Variants in PCDHGA8 observed in about 807,000 individuals in gnomAD.
PCDHGA8 encodes protocadherin gamma subfamily A, 8, also known as protocadherin gamma-A8.
In PCDHGA8, 45 loss-of-function variants were observed where a neutral mutation model predicts 59.2. The ratio of observed to expected loss-of-function variants is 0.76; its 90% CI spans 0.60 to 0.98. PCDHGA8 has a LOEUF of 0.98. PCDHGA8 is among the 50% of genes least tolerant of loss of function. PCDHGA8 has a pLI of 0.00. For synonymous variants in PCDHGA8, 531 were observed against 519.0 expected (o/e 1.02, Z -0.32); for missense variants, 1,257 against 1,196.2 (o/e 1.05, Z -0.75).
At position 141,408,408 on chromosome 5, in the gene PCDHGA8, G is replaced by A. The variant is rs376957467; in HGVS notation, c.2424+13171G>A. On this transcript the variant is annotated intron_variant, in intron 1 of 3. Coordinates refer to ENST00000398604, the MANE Select transcript of PCDHGA8 (RefSeq NM_032088.2). The stretch of plus-strand genomic sequence containing the variant: ...GTGTCGGCTCGCAAGCTGCGAGTGA[G>A]CGCGGAGAAGCTGCACTTCAGCGTA... 5 of 1,614,080 alleles carry A rather than the reference G, an allele frequency of 3.1e-6. No homozygotes were observed. The Admixed American group carries it at 5.0e-5, about 16-fold the overall frequency.
In PCDHGA8 at chr5:141,485,417, G is replaced by A. The variant is rs1340790133; in HGVS notation, c.2425-9390G>A. The A allele has an allele frequency of 1.2e-6, 2 of 1,614,166 alleles. No homozygotes were observed. Among genetic ancestry groups the A allele is most frequent in the Non-Finnish European group, 8.5e-7 (1 of 1,180,038 alleles). ...ACACTTCCGTGTGGATTTGGACAGCGGAGCCCTGCTCATCAAGAACCCAAT... is the reference window on the plus strand; with the variant it reads ...ACACTTCCGTGTGGATTTGGACAGCAGAGCCCTGCTCATCAAGAACCCAAT... On this transcript the variant is annotated intron_variant, in intron 1 of 3. Coordinates refer to ENST00000398604, the MANE Select transcript of PCDHGA8 (RefSeq NM_032088.2). The surrounding 1 kb of genome is among the most constrained non-coding windows in gnomAD (Gnocchi z 5.7).
chr5:141,394,616 C>A lies in PCDHGA8; in HGVS notation c.1803C>A (p.Asn601Lys). ...VVAVDRDSGQNAWLSYRLLKA... is the reference protein window; with the variant it reads ...VVAVDRDSGQKAWLSYRLLKA... Reference sequence around the variant, plus strand: ...CGGTGGACAGAGACTCGGGCCAGAACGCCTGGCTGTCCTACCGCCTGCTCA... The same window carrying A: ...CGGTGGACAGAGACTCGGGCCAGAAAGCCTGGCTGTCCTACCGCCTGCTCA... The change falls in exon 1 of 4, where the codon AAC (asparagine) becomes AAA (lysine). Residue 601 changes from asparagine to lysine, a missense_variant. By Grantham distance (94) the Asn-to-Lys change is moderately conservative (BLOSUM62 0). Transcript: ENST00000398604. The A allele has an allele frequency of 6.2e-7, 1 of 1,613,490 alleles. No individual in the cohort carries two copies. Among genetic ancestry groups the A allele is most frequent in the African/African-American group, 1.3e-5 (1 of 75,030 alleles).
chr5:141,421,051 A>G (rs1330155141), intron 1 of PCDHGA8: 8 of 559,830 alleles, frequency 1.4e-5, no homozygotes, highest in South Asian at 2.6e-5. Flanking sequence ...CCCCGCCTCT[A>G]CCACACAAAG....
chr5:141,485,431 C>G lies in PCDHGA8; in HGVS notation c.2425-9376C>G, dbSNP rs1594481071. ...ATTTGGACAGCGGAGCCCTGCTCAT[C>G]AAGAACCCAATCGACCGAGAGGCAC... On this transcript the variant is annotated intron_variant, in intron 1 of 3. Coordinates refer to ENST00000398604, the MANE Select transcript of PCDHGA8 (RefSeq NM_032088.2). The surrounding 1 kb of genome is among the most constrained non-coding windows in gnomAD (Gnocchi z 5.7). 8.7e-6 allele frequency: 14 copies of G among 1,614,198 alleles called. No homozygotes were observed. Among genetic ancestry groups the G allele is most frequent in the Non-Finnish European group, 1.1e-5 (13 of 1,180,038 alleles).
chr5:141,415,755 T>G (rs753465209), intron 1 of PCDHGA8: 41 of 1,387,576 alleles, frequency 3.0e-5, no homozygotes, highest in Middle Eastern at 2.6e-4. Flanking sequence ...TTTTTTTTTT[T>G]TTTTTTTTTT....
rs150249178 is a variant in PCDHGA8 at position 141,432,742 on chromosome 5, C to A, written c.2424+37505C>A. 154 of 1,614,076 alleles carry A rather than the reference C, an allele frequency of 9.5e-5. No individual in the cohort carries two copies. In the Middle Eastern group the frequency reaches 1.3e-3, roughly 14 times the overall value. On this transcript the variant is annotated intron_variant, in intron 1 of 3. Transcript: ENST00000398604. This position sits in a 1 kb window ranked among gnomAD's most constrained non-coding sequence, Gnocchi z 6.0. ...CTCTCTCCGCCACTGTCACGCTCAC[C>A]GTGGCCGTGGCCGACAGCATCCCCC... is the stretch of plus-strand genomic sequence containing the variant.
chr5:141,400,007 C>G (rs907315450), intron 1 of PCDHGA8: 2 of 1,612,506 alleles, frequency 1.2e-6, no homozygotes, highest in African/African-American at 1.3e-5. Flanking sequence ...ACAGCGCGTG[C>G]CTTGGGCGAC....
chr5:141,411,184 G>A (rs1478666914), intron 1 of PCDHGA8: 1 of 152,108 alleles, frequency 6.6e-6, no homozygotes, highest in Admixed American at 6.6e-5. Context: ...AGTGGTCTTG[G>A]CATCTAAGAA....
rs751905674 is a variant in PCDHGA8, at chr5:141,408,643, C to A, written c.2424+13406C>A. On this transcript the variant is annotated intron_variant, in intron 1 of 3. Coordinates refer to ENST00000398604, the MANE Select transcript of PCDHGA8 (RefSeq NM_032088.2). ...ATTTAGAAATTTTCGAATCTGCATCCGCTGGTACACGACTATCGCTTGACC... is the reference window on the plus strand; with the variant it reads ...ATTTAGAAATTTTCGAATCTGCATCAGCTGGTACACGACTATCGCTTGACC... 13 of 1,613,792 alleles carry A rather than the reference C, an allele frequency of 8.1e-6. No homozygotes were observed. The African/African-American group carries it at 1.6e-4, about 20-fold the overall frequency.
Position 141,486,747 on chromosome 5 carries a change from A to G in PCDHGA8, c.2425-8060A>G, listed in dbSNP as rs750666508. The G allele has an allele frequency of 3.1e-6, 5 of 1,614,210 alleles. No homozygotes were observed. The highest frequency in any genetic ancestry group is 4.2e-6 in the Non-Finnish European group (5 of 1,180,034). On this transcript the variant is annotated intron_variant, in intron 1 of 3. Transcript: ENST00000398604. This position sits in a 1 kb window ranked among gnomAD's most constrained non-coding sequence, Gnocchi z 5.0. Reference sequence around the variant, plus strand: ...GTTCATGCTACTCGATCCTTTGACTATGAGCAAACCCAGACACTGCAGTTT... The same window carrying G: ...GTTCATGCTACTCGATCCTTTGACTGTGAGCAAACCCAGACACTGCAGTTT...
In PCDHGA8 at chr5:141,426,967, T is replaced by C. The variant is rs151241654; in HGVS notation, c.2424+31730T>C. 124 of 456,702 alleles carry C rather than the reference T, an allele frequency of 2.7e-4. 1 individual carries two copies. The highest frequency in any genetic ancestry group is 2.1e-3 in the African/African-American group (103 of 50,178). 28.3% of individuals were successfully genotyped at this position (456,702 alleles called of 1,614,324 possible). A position where few individuals can be genotyped will look rare whatever the true frequency, so the allele number is the denominator to read the frequency against. On this transcript the variant is annotated intron_variant, in intron 1 of 3. Coordinates refer to ENST00000398604, the MANE Select transcript of PCDHGA8 (RefSeq NM_032088.2). ...CCAACTGGCACTGCTGCAATTCAAA[T>C]TGAGGTCACTGATGCCAACGATAAT... is the stretch of plus-strand genomic sequence containing the variant.
chr5:141,400,426 G>A (rs1346018954), intron 1 of PCDHGA8: 1 of 1,614,060 alleles, frequency 6.2e-7, no homozygotes, highest in Non-Finnish European at 8.5e-7. Flanking sequence ...AAAATGTAGT[G>A]AGCAATTGAG....
intron 2 of PCDHGA8, among the ~76,000 whole-genome samples, chr5:141,497,290 C>A (rs182104163): frequency 4.7e-4 from 72 of 152,184 alleles, no homozygotes; most frequent in Middle Eastern, 3.4e-3. Flanking sequence ...CTCTACCTAC[C>A]ACCACCCCAG....
intron 1 of PCDHGA8, among the ~76,000 whole-genome samples, chr5:141,434,571 T>C (rs2154556263): frequency 6.6e-6 from 1 of 152,374 alleles, no homozygotes; most frequent in South Asian, 2.1e-4. Flanking sequence ...GACATGCCCC[T>C]GCTGCAGATA....
chr5:141,416,615 C>T (rs1156238298), intron 1 of PCDHGA8: 1 of 152,088 alleles, frequency 6.6e-6, no homozygotes, highest in Non-Finnish European at 1.5e-5. Context: ...AATGCCATTT[C>T]TGCAGATCAG....
At chr5:141,402,433 A>C (rs1331958085) in intron 1 of PCDHGA8, among the ~76,000 whole-genome samples, 1 of 152,146 alleles carries the variant, frequency 6.6e-6, no homozygotes, top group Non-Finnish European at 1.5e-5. Context: ...GAAGCATCAT[A>C]AAAAGGAAAT....
intron 1 of PCDHGA8, chr5:141,415,325 C>G: frequency 6.2e-7 from 1 of 1,614,212 alleles, no homozygotes; most frequent in Non-Finnish European, 8.5e-7. Flanking sequence ...GTGCTGCTGG[C>G]GCACAGGCTG....
intron 1 of PCDHGA8, chr5:141,398,470 A>G: frequency 6.2e-7 from 1 of 1,604,828 alleles, no homozygotes; most frequent in Non-Finnish European, 8.5e-7. Flanking sequence ...AAATCCACTG[A>G]ACTTTTATCA....
chr5:141,409,462 C>G (rs377705841), intron 1 of PCDHGA8: 1 of 1,613,988 alleles, frequency 6.2e-7, no homozygotes, highest in African/African-American at 1.3e-5. Flanking sequence ...AATACAATGT[C>G]ACCATCGTAG....
Sources: allele counts gnomAD v4.1 joint callset (sites outside exome capture counted in the v4.1 genomes callset), GRCh38; gene constraint gnomAD v4.1.1; non-coding constraint Gnocchi (gnomAD v3.1); transcripts MANE v1.5; gene names NCBI Gene and HGNC (gene_info 2026-07-23, HGNC 2026-07-21).